Variants in MORN1 observed in about 807,000 individuals in gnomAD.
MORN1 encodes MORN repeat-containing protein 1.
MORN1 carries 67 observed loss-of-function variants against 61.9 expected under a neutral mutation model. The observed-to-expected ratio is 1.08, with a 90% CI of 0.89 to 1.33. MORN1 has a LOEUF of 1.33. MORN1 is among the 40% of genes most tolerant of loss of function. The probability of loss-of-function intolerance (pLI) is 0.00; values close to 1 mark genes in which losing one functional copy is unlikely to be tolerated. For synonymous variants in MORN1, 301 were observed against 292.0 expected, an observed-to-expected ratio of 1.03 and a Z score of -0.31; for missense variants, 752 against 691.2, an observed-to-expected ratio of 1.09 and a Z score of -0.99.
At chr1:2,382,211 C>A (rs144024397) in intron 6 of MORN1, among the ~76,000 whole-genome samples, 4 of 152,276 alleles carry the variant, frequency 2.6e-5, no homozygotes, top group Non-Finnish European at 4.4e-5. Flanking sequence ...TGGCAGCAGG[C>A]GGCACCTCTG....
chr1:2,346,895 C>T (rs1295062584), intron 10 of MORN1, among the ~76,000 whole-genome samples: 1 of 152,192 alleles, frequency 6.6e-6, no homozygotes, highest in African/African-American at 2.4e-5. Context: ...GCCCAGCTCT[C>T]CCTGCCCACC....
At chr1:2,387,626 C>T (rs1642537028) in intron 3 of MORN1, 97 bp from the exon 4 acceptor site, 1 of 842,706 alleles carries the variant, frequency 1.2e-6, no homozygotes, top group East Asian at 2.5e-5. Context: ...CACGCAGGAA[C>T]CATTCCAGAA....
intron 10 of MORN1, among the ~76,000 whole-genome samples, chr1:2,341,744 G>GC (rs1354051539): frequency 2.0e-5 from 3 of 151,892 alleles, no homozygotes; most frequent in African/African-American, 4.8e-5. Flanking sequence ...GATGGCAAGT[G>GC]CCCCCCAAAG....
chr1:2,336,809 C>A lies in MORN1; in HGVS notation c.1078G>T (p.Val360Leu). The change falls in exon 11 of 14, where the codon GTG (valine) becomes TTG (leucine). Residue 360 changes from valine to leucine, a missense_variant. Coordinates refer to ENST00000378531, the MANE Select transcript of MORN1 (RefSeq NM_024848.3). ...APHCPGACQR[V>L]EQGCAEFTDV... is the part of the protein sequence containing the mutation. The stretch of plus-strand genomic sequence containing the variant: ...GTGAACTCGGCACAGCCCTGCTCCA[C>A]TCGCTGACAGGCCCCGGGACAATGG... 6.3e-7 allele frequency: 1 copy of A among 1,599,950 alleles called. No homozygotes were observed. Among genetic ancestry groups the A allele is most frequent in the Non-Finnish European group, 8.5e-7 (1 of 1,174,114 alleles).
intron 12 of MORN1, among the ~76,000 whole-genome samples, chr1:2,331,671 C>T (rs544643070): frequency 1.2e-4 from 19 of 152,174 alleles, no homozygotes; most frequent in African/African-American, 4.6e-4. Context: ...AACCTTGGCT[C>T]CTCTTTCCTC....
chr1:2,387,451 T>C lies in MORN1; in HGVS notation c.326A>G (p.Tyr109Cys), dbSNP rs774213705. Reference protein sequence around the residue: ...GVMEYKAGGCYEGEVSHGMRE... With the variant: ...GVMEYKAGGCCEGEVSHGMRE... ...CATGCCGTGGGAGACCTCCCCTTCA[T>C]AACATCCGCCGGCTTTGTACTCCAT... Residue 109 changes from tyrosine (Y) to cysteine (C), a missense_variant, in exon 4 of 14, where the codon TAT (tyrosine) becomes TGT (cysteine). Physicochemically the swap from Tyr to Cys is radical, Grantham distance 194. Coordinates refer to ENST00000378531, the MANE Select transcript of MORN1 (RefSeq NM_024848.3). 13 of 1,613,604 alleles carry C rather than the reference T, an allele frequency of 8.1e-6. No individual in the cohort carries two copies. The highest frequency in any genetic ancestry group is 1.1e-5 in the Non-Finnish European group (13 of 1,180,026).
Position 2,382,211 on chromosome 1 carries a change from C to T in MORN1, c.537+2767G>A, listed in dbSNP as rs144024397. ...GGGGATGGCCCTGTCTGGCAGCAGG[C>T]GGCACCTCTGTGTCCCTGGGCCATG... On this transcript the variant is annotated intron_variant, in intron 6 of 13. Coordinates refer to ENST00000378531, the MANE Select transcript of MORN1 (RefSeq NM_024848.3). Among the ~76,000 whole-genome samples the T allele has an allele frequency of 4.6e-3, 703 of 152,276 alleles. 2 individuals carry two copies. The highest frequency in any genetic ancestry group is 0.02 in the Middle Eastern group (6 of 294).
chr1:2,324,033 G>C lies in MORN1; in HGVS notation c.1297+64C>G, dbSNP rs893372498. 12 of 1,530,420 alleles carry C rather than the reference G, an allele frequency of 7.8e-6. No individual in the cohort carries two copies. The Admixed American group carries it at 8.1e-5, about 10-fold the overall frequency. The allele number at this position is 1,530,420 out of a possible 1,614,324, so 94.8% of individuals were successfully genotyped here. A position where few individuals can be genotyped will look rare whatever the true frequency, so the allele number is the denominator to read the frequency against. ...CCCCCAACCCCACCTCCAGCCCTGGGCTGCGGCCTCGCCTCTCCAGACAGT... is the reference window on the plus strand; with the variant it reads ...CCCCCAACCCCACCTCCAGCCCTGGCCTGCGGCCTCGCCTCTCCAGACAGT... On this transcript the variant is annotated intron_variant, in intron 13 of 13. Coordinates refer to ENST00000378531, the MANE Select transcript of MORN1 (RefSeq NM_024848.3).
intron 12 of MORN1, 94 bp downstream of exon 12, chr1:2,336,375 G>C: frequency 8.5e-6 from 11 of 1,287,524 alleles, no homozygotes; most frequent in Admixed American, 2.1e-5. Flanking sequence ...CAGGCCCTTG[G>C]CTCCCCTGGG....
At chr1:2,344,349 C>T (rs1470132385) in intron 10 of MORN1, among the ~76,000 whole-genome samples, 5 of 152,222 alleles carry the variant, frequency 3.3e-5, no homozygotes, top group Admixed American at 1.3e-4. Flanking sequence ...GGTGAGCACA[C>T]TCGACAAGGT....
Position 2,370,612 on chromosome 1 carries a change from A to G in MORN1, c.745+1869T>C, listed in dbSNP as rs933018926. Among the ~76,000 whole-genome samples the G allele has an allele frequency of 5.3e-5, 8 of 152,154 alleles. 1 individual carries two copies. The highest frequency in any genetic ancestry group is 1.2e-4 in the Non-Finnish European group (8 of 68,038). Reference sequence around the variant, plus strand: ...TATCTGATAAAGGACTTATATCCGCAATAGGTAAAGAACTCTATAGCTAAA... The same window carrying G: ...TATCTGATAAAGGACTTATATCCGCGATAGGTAAAGAACTCTATAGCTAAA... On this transcript the variant is annotated intron_variant, in intron 8 of 13. Transcript: ENST00000378531.
intron 2 of MORN1, 75 bp downstream of exon 2, chr1:2,389,850 C>T: frequency 1.4e-6 from 2 of 1,401,514 alleles, no homozygotes; most frequent in Non-Finnish European, 1.0e-6. Flanking sequence ...CTTGCCCACC[C>T]AACCTCCCGG....
chr1:2,321,276 C>T lies in MORN1; in HGVS notation c.*107G>A, dbSNP rs1432394939. The T allele has an allele frequency of 2.2e-6, 2 of 902,786 alleles. No individual in the cohort carries two copies. Among genetic ancestry groups the T allele is most frequent in the Non-Finnish European group, 3.2e-6 (2 of 624,060 alleles). The allele number at this position is 902,786 out of a possible 1,614,324, so 55.9% of individuals were successfully genotyped here. A position where few individuals can be genotyped will look rare whatever the true frequency, so the allele number is the denominator to read the frequency against. On this transcript the variant is annotated 3_prime_UTR_variant, in exon 14 of 14. Transcript: ENST00000378531. ...CATAGCCGCCACTGAGCATTTTATTCAAGCCAGCAACCACGGGGCTCTGGA... is the reference window on the plus strand; with the variant it reads ...CATAGCCGCCACTGAGCATTTTATTTAAGCCAGCAACCACGGGGCTCTGGA...
chr1:2,347,794 C>T (rs1276779961), intron 10 of MORN1, among the ~76,000 whole-genome samples: 5 of 152,206 alleles, frequency 3.3e-5, no homozygotes, highest in East Asian at 1.9e-4. Context: ...TGCCACCCTG[C>T]GTGCCGGGTG....
intron 13 of MORN1, chr1:2,322,463 C>T (rs1640904057): frequency 2.0e-6 from 2 of 985,370 alleles, no homozygotes; most frequent in South Asian, 9.4e-5. Context: ...TCGGCCAGGC[C>T]ACGGGCTCGG....
At chr1:2,345,342 C>T (rs948981368) in intron 10 of MORN1, among the ~76,000 whole-genome samples, 6 of 152,254 alleles carry the variant, frequency 3.9e-5, no homozygotes, top group Admixed American at 1.3e-4. Flanking sequence ...CAGCCACGCA[C>T]TCCCCCACTG....
intron 13 of MORN1, chr1:2,323,423 A>C: frequency 1.0e-6 from 1 of 985,400 alleles, no homozygotes; most frequent in Non-Finnish European, 1.2e-6. Context: ...ATGTTGGCCC[A>C]GGTGACAGAG....
At position 2,383,958 on chromosome 1, in the gene MORN1, C is replaced by T. The variant is rs568338439; in HGVS notation, c.537+1020G>A. 7.5e-4 allele frequency among the ~76,000 whole-genome samples: 114 copies of T among 152,366 alleles called. 2 individuals are homozygous for T. The South Asian group carries it at 0.012, about 16-fold the overall frequency. ...CAACCACACCACTCCCAGACTCCAC[C>T]GCAGAGGGTCTGTCTCCGGGCCCCC... On this transcript the variant is annotated intron_variant, in intron 6 of 13. Coordinates refer to ENST00000378531, the MANE Select transcript of MORN1 (RefSeq NM_024848.3).
intron 8 of MORN1, among the ~76,000 whole-genome samples, chr1:2,367,456 CA>C (rs3065235): frequency 5.6e-4 from 81 of 144,160 alleles, no homozygotes; most frequent in Non-Finnish European, 8.7e-4. Flanking sequence ...TCTGTCTCTA[CA>C]AAAAAAAAAA....
Sources: allele counts gnomAD v4.1 joint callset (sites outside exome capture counted in the v4.1 genomes callset), GRCh38; gene constraint gnomAD v4.1.1; transcripts MANE v1.5; gene names NCBI Gene and HGNC (gene_info 2026-07-23, HGNC 2026-07-21).